Variants in DCC observed in about 807,000 individuals in gnomAD.
The protein encoded by DCC is DCC netrin 1 receptor.
A neutral mutation model predicts 172.5 loss-of-function variants in DCC; 58 were observed. The observed-to-expected ratio is 0.34, with a 90% CI of 0.27 to 0.42. The LOEUF is 0.42. Ranked by LOEUF, DCC falls within the 10% of genes least tolerant of loss-of-function variation. DCC has a pLI of 1.00. For missense variants in DCC, 1,740 were observed against 1,791.0 expected (o/e 0.97, Z 0.51); for synonymous variants, 709 against 644.5 (o/e 1.10, Z -1.52).
intron 5 of DCC, among the ~76,000 whole-genome samples, chr18:52,956,119 G>C (rs920085877): frequency 1.6e-4 from 24 of 151,714 alleles, no homozygotes; most frequent in Admixed American, 1.5e-3. Flanking sequence ...CTTTAGTGTT[G>C]TATCTAAAAA....
chr18:53,096,066 T>C (rs1172531834), intron 7 of DCC, among the ~76,000 whole-genome samples: 2 of 152,010 alleles, frequency 1.3e-5, no homozygotes, highest in Non-Finnish European at 2.9e-5. Flanking sequence ...AATGACAAGT[T>C]AATGGGTGCA....
intron 7 of DCC, among the ~76,000 whole-genome samples, chr18:53,127,177 A>C (rs1055180687): frequency 2.2e-5 from 3 of 133,984 alleles, no homozygotes; most frequent in Non-Finnish European, 4.9e-5. Context: ...TTCATTTTTA[A>C]TTTTTTTTTG....
At chr18:52,993,614 T>C (rs1387005779) in intron 5 of DCC, among the ~76,000 whole-genome samples, 1 of 152,062 alleles carries the variant, frequency 6.6e-6, no homozygotes, top group African/African-American at 2.4e-5. Flanking sequence ...TCTTGCATGG[T>C]TCAAGTTCAG....
chr18:52,678,057 G>A (rs1599011640), intron 1 of DCC, among the ~76,000 whole-genome samples: 1 of 152,230 alleles, frequency 6.6e-6, no homozygotes, highest in Admixed American at 6.5e-5. Flanking sequence ...GGCATAAAAG[G>A]GTAACAATAA....
At chr18:52,884,487 A>G (rs1704116879) in intron 2 of DCC, among the ~76,000 whole-genome samples, 1 of 151,908 alleles carries the variant, frequency 6.6e-6, no homozygotes, top group Non-Finnish European at 1.5e-5. Flanking sequence ...AGGGACTCTG[A>G]TGCATTCTTC....
intron 2 of DCC, among the ~76,000 whole-genome samples, chr18:52,868,393 A>G (rs2039263363): frequency 1.3e-5 from 2 of 152,306 alleles, no homozygotes; most frequent in South Asian, 4.1e-4. Context: ...CTGTTGCCAC[A>G]GACAGTTAAG....
At chr18:52,832,113 T>G (rs1210640732) in intron 2 of DCC, among the ~76,000 whole-genome samples, 2 of 152,102 alleles carry the variant, frequency 1.3e-5, no homozygotes, top group Admixed American at 1.3e-4. Flanking sequence ...TTTCGGGAGG[T>G]ACTCAAAGCA....
intron 7 of DCC, among the ~76,000 whole-genome samples, chr18:53,075,866 C>T (rs941949170): frequency 2.0e-5 from 3 of 152,128 alleles, no homozygotes; most frequent in African/African-American, 7.2e-5. Flanking sequence ...CAACTGGTCT[C>T]AAGGCTGCAA....
intron 7 of DCC, among the ~76,000 whole-genome samples, chr18:53,129,637 C>T (rs2043621316): frequency 6.6e-6 from 1 of 151,958 alleles, no homozygotes; most frequent in Non-Finnish European, 1.5e-5. Flanking sequence ...GAGGTTCATC[C>T]ATGGTTGTGT....
chr18:53,437,325 A>T (rs910233240), intron 22 of DCC, among the ~76,000 whole-genome samples: 6 of 152,154 alleles, frequency 3.9e-5, no homozygotes, highest in African/African-American at 1.4e-4. Context: ...TCACGCCTGT[A>T]ATCCCAGCAC....
intron 1 of DCC, among the ~76,000 whole-genome samples, chr18:52,704,752 C>T (rs1206289417): frequency 1.3e-5 from 2 of 152,202 alleles, no homozygotes; most frequent in Non-Finnish European, 2.9e-5. Flanking sequence ...TCTCTGGATT[C>T]AGATGGCTCC....
intron 5 of DCC, among the ~76,000 whole-genome samples, chr18:53,004,864 G>A (rs879288986): frequency 1.5e-4 from 23 of 152,040 alleles, no homozygotes; most frequent in Admixed American, 9.8e-4. Flanking sequence ...TGGTTTCAAT[G>A]TACTCTCCAA....
intron 20 of DCC, 21 bp downstream of exon 20, chr18:53,410,667 T>G: frequency 7.1e-7 from 1 of 1,413,460 alleles, no homozygotes; most frequent in Non-Finnish European, 1.0e-6. Context: ...TTTCCTATTA[T>G]GCTTTTCTTT....
chr18:52,638,580 C>T (rs1006329840), intron 1 of DCC, among the ~76,000 whole-genome samples: 11 of 152,040 alleles, frequency 7.2e-5, no homozygotes, highest in South Asian at 2.1e-4. Context: ...AAAGAGACAA[C>T]GAGGGACATT....
intron 2 of DCC, among the ~76,000 whole-genome samples, chr18:52,811,188 C>A (rs2038191077): frequency 6.6e-6 from 1 of 152,214 alleles, no homozygotes; most frequent in Non-Finnish European, 1.5e-5. Context: ...CACACAGGTA[C>A]ATGCAAACTG....
At chr18:52,946,698 A>G (rs1306225403) in intron 5 of DCC, among the ~76,000 whole-genome samples, 1 of 152,226 alleles carries the variant, frequency 6.6e-6, no homozygotes, top group African/African-American at 2.4e-5. Context: ...CCATCTGCAA[A>G]CATCCACCTT....
intron 1 of DCC, among the ~76,000 whole-genome samples, chr18:52,606,307 C>G (rs574905956): frequency 1.3e-5 from 2 of 151,920 alleles, no homozygotes; most frequent in Non-Finnish European, 2.9e-5. Context: ...ATTTTCTAGT[C>G]TATTAAAAAA....
chr18:53,066,604 G>C (rs957772823), intron 7 of DCC, among the ~76,000 whole-genome samples: 6 of 150,544 alleles, frequency 4.0e-5, no homozygotes, highest in African/African-American at 1.5e-4. Flanking sequence ...TATATGTTAG[G>C]TGTATATTTT....
intron 1 of DCC, among the ~76,000 whole-genome samples, chr18:52,385,827 C>T (rs1467228524): frequency 6.6e-6 from 1 of 152,018 alleles, no homozygotes; most frequent in Non-Finnish European, 1.5e-5. Context: ...TTGTGTAGTG[C>T]TTGGTATAGT....
Sources: gnomAD v4.1 joint callset for allele counts (sites outside exome capture counted in the v4.1 genomes callset) on GRCh38, gnomAD v4.1.1 for gene constraint, MANE v1.5 for transcripts, NCBI Gene and HGNC (gene_info 2026-07-23, HGNC 2026-07-21) for gene names.